The following PSTPIP1 variants were observed in gnomAD, a reference collection of about 807,000 sequenced individuals.
PSTPIP1 encodes proline-serine-threonine phosphatase-interacting protein 1.
In PSTPIP1, 66 loss-of-function variants were observed where a neutral mutation model predicts 69.6. The observed-to-expected ratio is 0.95, with a 90% confidence interval of 0.78 to 1.16. The LOEUF is 1.16. Ranked by LOEUF, PSTPIP1 falls within the 50% of genes most tolerant of loss-of-function variation. PSTPIP1 has a pLI of 0.00. For missense variants in PSTPIP1, 603 were observed against 557.4 expected, an observed-to-expected ratio of 1.08 and a Z score of -0.82; for synonymous variants, 266 against 222.7, an observed-to-expected ratio of 1.19 and a Z score of -1.73.
At chr15:77,010,577 G>A (rs2075914283) in intron 1 of PSTPIP1, among the ~76,000 whole-genome samples, 1 of 152,130 alleles carries the variant, frequency 6.6e-6, no homozygotes, top group Non-Finnish European at 1.5e-5. Context: ...TGAGTCTGAG[G>A]GGCGTGTCTC....
chr15:77,025,042 T>C (rs992869428), intron 3 of PSTPIP1, among the ~76,000 whole-genome samples: 1 of 152,198 alleles, frequency 6.6e-6, no homozygotes, highest in Admixed American at 6.5e-5. Context: ...TACCTCCTCC[T>C]TCTGCCACAT....
intron 1 of PSTPIP1, among the ~76,000 whole-genome samples, chr15:77,013,718 GC>G (rs996781364): frequency 1.3e-5 from 2 of 152,140 alleles, no homozygotes; most frequent in Non-Finnish European, 2.9e-5. Flanking sequence ...ACCTTCCACG[GC>G]CCCCACTTGG....
chr15:77,000,737 T>C (rs577199005), intron 1 of PSTPIP1, among the ~76,000 whole-genome samples: 1 of 152,290 alleles, frequency 6.6e-6, no homozygotes, highest in Non-Finnish European at 1.5e-5. Flanking sequence ...AGATGAGGTC[T>C]CCCTGTGTTG....
intron 1 of PSTPIP1, among the ~76,000 whole-genome samples, chr15:77,007,257 A>C (rs1256154715): frequency 2.0e-5 from 3 of 152,176 alleles, no homozygotes; most frequent in Non-Finnish European, 4.4e-5. Flanking sequence ...TCAGTGGATC[A>C]AGATAAGACC....
intron 8 of PSTPIP1, among the ~76,000 whole-genome samples, 170 bp from the exon 9 acceptor site, chr15:77,030,332 C>T (rs543943354): frequency 9.2e-5 from 14 of 152,368 alleles, no homozygotes; most frequent in African/African-American, 3.1e-4. Context: ...GCAGCACCAG[C>T]GTGGGTGGCC....
In PSTPIP1 at chr15:77,009,873, C is replaced by T. The variant is rs186781354; in HGVS notation, c.37-8275C>T. Among the ~76,000 whole-genome samples the T allele has an allele frequency of 1.4e-3, 210 of 152,288 alleles. 1 individual carries two copies. The highest frequency in any genetic ancestry group is 4.8e-3 in the African/African-American group (201 of 41,556). On this transcript the variant is annotated intron_variant, in intron 1 of 14. Transcript: ENST00000558012. ...CCTCCCCTGGGACATCCCTGGCAGG[C>T]GTAGGTGGTGTGGGAGGGCAATGCC...
At chr15:76,998,234 G>A (rs1190370396) in intron 1 of PSTPIP1, among the ~76,000 whole-genome samples, 1 of 152,122 alleles carries the variant, frequency 6.6e-6, no homozygotes, top group Non-Finnish European at 1.5e-5. Context: ...CTGACAGAGT[G>A]GAGGGACCCT....
At chr15:77,002,933 T>C (rs1228526840) in intron 1 of PSTPIP1, among the ~76,000 whole-genome samples, 2 of 152,066 alleles carry the variant, frequency 1.3e-5, no homozygotes, top group East Asian at 3.9e-4. Context: ...ATTTGAGACA[T>C]GTCAGGAGGA....
chr15:77,008,146 A>C, intron 1 of PSTPIP1: 1 of 445,054 alleles, frequency 2.2e-6, no homozygotes, highest in South Asian at 1.6e-5. Context: ...TGAATACTAA[A>C]CGCAGCCAGG....
chr15:77,016,876 G>T (rs2076061876), intron 1 of PSTPIP1, among the ~76,000 whole-genome samples: 1 of 152,186 alleles, frequency 6.6e-6, no homozygotes, highest in Admixed American at 6.5e-5. Flanking sequence ...GGCATTTGAG[G>T]GGAGACATGG....
At position 77,032,962 on chromosome 15, in the gene PSTPIP1, C is replaced by T. The variant is rs774212289; in HGVS notation, c.929+10C>T. On this transcript the variant is annotated intron_variant, in intron 12 of 14. Coordinates refer to ENST00000558012, the MANE Select transcript of PSTPIP1 (RefSeq NM_003978.5). ...GCGGCATGATAAAGAGGTGAGGCCC[C>T]GACAGACGGAGGGAGGGCCTAAGGC... The T allele has an allele frequency of 1.3e-5, 20 of 1,589,950 alleles. No individual in the cohort carries two copies. The highest frequency in any genetic ancestry group is 1.7e-4 in the Middle Eastern group (1 of 6,038).
intron 6 of PSTPIP1, 91 bp from the exon 7 acceptor site, chr15:77,028,462 GA>G: frequency 1.7e-5 from 20 of 1,155,738 alleles, no homozygotes; most frequent in South Asian, 3.3e-5. Flanking sequence ...CCTCGCCAGG[GA>G]AAAAGGGAGG....
At chr15:77,007,444 C>T (rs1169710462) in intron 1 of PSTPIP1, among the ~76,000 whole-genome samples, 1 of 152,056 alleles carries the variant, frequency 6.6e-6, no homozygotes, top group Non-Finnish European at 1.5e-5. Flanking sequence ...CCAATCTCTA[C>T]AAAAAATACA....
In PSTPIP1 at chr15:77,012,152, TCCATCCACCCAC is replaced by T. The variant is rs1387478248; in HGVS notation, c.37-5992_37-5981del. Among the ~76,000 whole-genome samples the T allele has an allele frequency of 6.6e-3, 369 of 55,824 alleles. 2 individuals are homozygous for T. The highest frequency in any genetic ancestry group is 9.1e-3 in the Non-Finnish European group (217 of 23,766). 36.6% of individuals were successfully genotyped at this position (55,824 alleles called of 152,430 possible). ...ATCCATCCATCCATCCATCCATCCA[TCCATCCACCCAC>T]CCACCCACCCACCCATTCACCCATC... On this transcript the variant is annotated intron_variant, in intron 1 of 14. Transcript: ENST00000558012.
intron 8 of PSTPIP1, 82 bp downstream of exon 8, chr15:77,029,656 A>G: frequency 7.1e-7 from 1 of 1,406,562 alleles, no homozygotes; most frequent in Non-Finnish European, 9.8e-7. Flanking sequence ...CCCTGGGGAC[A>G]CACACACTCC....
intron 3 of PSTPIP1, among the ~76,000 whole-genome samples, chr15:77,021,267 A>T (rs1376605708): frequency 6.6e-6 from 1 of 152,156 alleles, no homozygotes; most frequent in Non-Finnish European, 1.5e-5. Context: ...ATCTTAAGTG[A>T]TTTTTGACAT....
rs1470154810 is a variant in PSTPIP1 at position 77,018,473 on chromosome 15, C to A, written c.154C>A (p.Arg52=). Residue 52 remains arginine (R), a synonymous_variant, in exon 3 of 15, where the codon CGG becomes AGG. Coordinates refer to ENST00000558012, the MANE Select transcript of PSTPIP1 (RefSeq NM_003978.5). ...LLRQRAQAEE[R]YGKELVQIAR... is the part of the protein sequence containing the mutation. ...TTTTTGCAGGGCCCAGGCGGAGGAGCGGTACGGGAAGGAGCTGGTGCAGAT... is the reference window on the plus strand; with the variant it reads ...TTTTTGCAGGGCCCAGGCGGAGGAGAGGTACGGGAAGGAGCTGGTGCAGAT... 1 of 1,583,806 alleles carries A rather than the reference C, an allele frequency of 6.3e-7. No individual in the cohort carries two copies. Among genetic ancestry groups the A allele is most frequent in the Non-Finnish European group, 8.6e-7 (1 of 1,165,048 alleles).
At chr15:77,007,278 T>C (rs2075832837) in intron 1 of PSTPIP1, among the ~76,000 whole-genome samples, 1 of 152,140 alleles carries the variant, frequency 6.6e-6, no homozygotes, top group Non-Finnish European at 1.5e-5. Flanking sequence ...CTGCAAGGAA[T>C]TAATGTCTGT....
chr15:77,013,909 G>A lies in PSTPIP1; in HGVS notation c.37-4239G>A, dbSNP rs929674921. Among the ~76,000 whole-genome samples, 3 of 152,310 alleles carry A rather than the reference G, an allele frequency of 2.0e-5. No homozygotes were observed. The South Asian group carries it at 6.2e-4, about 32-fold the overall frequency. ...TGCTCCCCTTTAAATGGAACCTCTG[G>A]TGGAGGAAGGTGTGTAGGGCGAGAG... On this transcript the variant is annotated intron_variant, in intron 1 of 14. Coordinates refer to ENST00000558012, the MANE Select transcript of PSTPIP1 (RefSeq NM_003978.5).
Sources: allele counts gnomAD v4.1 joint callset (sites outside exome capture counted in the v4.1 genomes callset), GRCh38; gene constraint gnomAD v4.1.1; transcripts MANE v1.5; gene names NCBI Gene and HGNC (gene_info 2026-07-23, HGNC 2026-07-21).